ALK: variants seen among roughly 807,000 people sequenced by gnomAD.
ALK encodes ALK receptor tyrosine kinase, also known as ALK tyrosine kinase receptor.
Under a neutral mutation model 163.1 loss-of-function variants are expected in ALK, and 74 were observed. The ratio of observed to expected loss-of-function variants is 0.45; its 90% confidence interval spans 0.38 to 0.55. The LOEUF is 0.55. Among genes scored for constraint, ALK ranks in the 20% least tolerant of loss-of-function variants. The pLI is 0.00. For synonymous variants in ALK, 960 were observed against 843.2 expected (o/e 1.14, Z -2.40); for missense variants, 2,063 against 2,105.3 (o/e 0.98, Z 0.39).
intron 3 of ALK, among the ~76,000 whole-genome samples, chr2:29,663,466 T>C (rs1677413699): frequency 6.6e-6 from 1 of 152,174 alleles, no homozygotes; most frequent in Non-Finnish European, 1.5e-5. Context: ...TCTCCCGGAT[T>C]CTTTCACCAA....
At chr2:29,757,593 T>TTG (rs35768373) in intron 1 of ALK, among the ~76,000 whole-genome samples, 105,354 of 148,236 alleles carry the variant, frequency 0.71, 37,789 homozygotes, top group Non-Finnish European at 0.79. Flanking sequence ...TTTTGTTTGT[T>TTG]TGTGTGTGTG....
At chr2:29,280,658 C>T (rs1665691793) in intron 9 of ALK, among the ~76,000 whole-genome samples, 1 of 150,506 alleles carries the variant, frequency 6.6e-6, no homozygotes, top group Admixed American at 6.6e-5. Context: ...ACCAGGTAGC[C>T]CACTCTGGGA....
Position 29,293,503 on chromosome 2 carries a change from T to C in ALK, c.1817+3385A>G, listed in dbSNP as rs376958994. Reference sequence around the variant, plus strand: ...GCCATGAGAATATATTGTGGGTACATATAGAGTATAGGTGTCTGGGGATAA... The same window carrying C: ...GCCATGAGAATATATTGTGGGTACACATAGAGTATAGGTGTCTGGGGATAA... On this transcript the variant is annotated intron_variant, in intron 9 of 28. Transcript: ENST00000389048. Among the ~76,000 whole-genome samples, 173 of 152,302 alleles carry C rather than the reference T, an allele frequency of 1.1e-3. 4 individuals carry two copies. The South Asian group carries it at 0.035, about 30-fold the overall frequency.
intron 1 of ALK, among the ~76,000 whole-genome samples, chr2:29,864,050 T>C (rs1307045193): frequency 2.0e-5 from 3 of 152,164 alleles, no homozygotes; most frequent in Admixed American, 2.0e-4. Context: ...TAACCCAAAA[T>C]ATAAGTACTA....
intron 1 of ALK, among the ~76,000 whole-genome samples, chr2:29,851,012 C>T (rs956707296): frequency 3.9e-5 from 6 of 152,180 alleles, no homozygotes; most frequent in African/African-American, 1.4e-4. Flanking sequence ...AAAGGAGTTG[C>T]GTAACTTTCT....
intron 4 of ALK, among the ~76,000 whole-genome samples, chr2:29,460,361 C>A (rs3923554): frequency 0.064 from 9,676 of 152,028 alleles, 444 homozygotes; most frequent in Non-Finnish European, 0.095. Context: ...TGTTACCCAG[C>A]GGAGGACATA....
intron 1 of ALK, among the ~76,000 whole-genome samples, chr2:29,763,546 C>G (rs1224822983): frequency 6.6e-6 from 1 of 152,034 alleles, no homozygotes; most frequent in Non-Finnish European, 1.5e-5. Flanking sequence ...AGTGCTTCCC[C>G]ATTAAACCAG....
intron 9 of ALK, among the ~76,000 whole-genome samples, chr2:29,278,918 TG>T (rs1206228666): frequency 1.3e-5 from 2 of 152,082 alleles, no homozygotes; most frequent in African/African-American, 4.8e-5. Flanking sequence ...CTGAGCTATA[TG>T]AGGGGTGTAC....
chr2:29,452,493 G>A (rs530270388), intron 4 of ALK, among the ~76,000 whole-genome samples: 37 of 151,856 alleles, frequency 2.4e-4, no homozygotes, highest in African/African-American at 7.7e-4. Context: ...CATTTATTTC[G>A]TTACTTCTTC....
intron 1 of ALK, among the ~76,000 whole-genome samples, chr2:29,800,074 A>T (rs1216105081): frequency 6.6e-6 from 1 of 152,238 alleles, no homozygotes; most frequent in Non-Finnish European, 1.5e-5. Context: ...GCCGTGCTCT[A>T]AGAATGATGA....
intron 3 of ALK, among the ~76,000 whole-genome samples, chr2:29,561,251 CCCA>C (rs1231379875): frequency 2.0e-5 from 3 of 152,100 alleles, no homozygotes; most frequent in Non-Finnish European, 4.4e-5. Flanking sequence ...TTAAACAATC[CCCA>C]TGCCTCCATT....
At chr2:29,232,191 T>C in intron 15 of ALK, 113 bp downstream of exon 15, 1 of 1,435,168 alleles carries the variant, frequency 7.0e-7, no homozygotes. Flanking sequence ...TATTCAGAGC[T>C]CCTAGCATCC....
At chr2:29,450,574 G>C (rs950184032) in intron 4 of ALK, among the ~76,000 whole-genome samples, 6 of 151,924 alleles carry the variant, frequency 3.9e-5, no homozygotes, top group Middle Eastern at 3.4e-3. Context: ...TCAGCACTTG[G>C]GGAAAAAGAA....
chr2:29,500,784 G>A (rs1295486739), intron 4 of ALK, among the ~76,000 whole-genome samples: 1 of 152,002 alleles, frequency 6.6e-6, no homozygotes. Context: ...TCTCCTTCAG[G>A]CTACCAGGAG....
At chr2:29,779,574 G>A (rs1483141412) in intron 1 of ALK, among the ~76,000 whole-genome samples, 1 of 152,204 alleles carries the variant, frequency 6.6e-6, no homozygotes, top group Non-Finnish European at 1.5e-5. Flanking sequence ...TCTGCAGAAT[G>A]CTCGGTGGAT....
At chr2:29,794,663 C>T (rs547989477) in intron 1 of ALK, among the ~76,000 whole-genome samples, 21 of 152,048 alleles carry the variant, frequency 1.4e-4, no homozygotes, top group Non-Finnish European at 2.9e-5. Context: ...AACAGGGAAG[C>T]CCAAGGAGAT....
At chr2:29,203,193 A>G (rs2148148519) in intron 26 of ALK, among the ~76,000 whole-genome samples, 1 of 152,266 alleles carries the variant, frequency 6.6e-6, no homozygotes, top group Admixed American at 6.5e-5. Flanking sequence ...ACCAAATCTC[A>G]CTGGTGTAAA....
chr2:29,835,777 A>T (rs577396611), intron 1 of ALK, among the ~76,000 whole-genome samples: 1 of 152,164 alleles, frequency 6.6e-6, no homozygotes, highest in African/African-American at 2.4e-5. Context: ...TTATAGGGGG[A>T]AACCCCCTTT....
In ALK at chr2:29,689,912, G is replaced by A. The variant is rs571918385; in HGVS notation, c.952+4938C>T. 3.9e-5 allele frequency among the ~76,000 whole-genome samples: 6 copies of A among 152,268 alleles called. No homozygotes were observed. The South Asian group carries it at 8.3e-4, about 21-fold the overall frequency. ...AAGCTAAGGAATGCCAAGGATTCCC[G>A]GCAATGCCAGAAGCTGGAGTGGGGC... On this transcript the variant is annotated intron_variant, in intron 3 of 28. Coordinates refer to ENST00000389048, the MANE Select transcript of ALK (RefSeq NM_004304.5).
Sources: allele counts gnomAD v4.1 joint callset (sites outside exome capture counted in the v4.1 genomes callset), GRCh38; gene constraint gnomAD v4.1.1; transcripts MANE v1.5; gene names NCBI Gene and HGNC (gene_info 2026-07-23, HGNC 2026-07-21).